Variants in ITGA11 observed in about 807,000 individuals in gnomAD.
ITGA11 encodes integrin subunit alpha 11.
A neutral mutation model predicts 141.9 loss-of-function variants in ITGA11; 97 were observed. The ratio of observed to expected loss-of-function variants is 0.68; its 90% confidence interval spans 0.58 to 0.81. ITGA11 has a LOEUF of 0.81. Among genes scored for constraint, ITGA11 ranks in the 30% least tolerant of loss-of-function variants. ITGA11 has a pLI of 0.00. For missense variants in ITGA11, 1,387 were observed against 1,559.2 expected (o/e 0.89, Z 1.86); for synonymous variants, 658 against 624.6 (o/e 1.05, Z -0.80).
At chr15:68,399,892 C>T (rs1896424747) in intron 2 of ITGA11, among the ~76,000 whole-genome samples, 1 of 152,044 alleles carries the variant, frequency 6.6e-6, no homozygotes, top group South Asian at 2.1e-4. Flanking sequence ...TACCCCAAAC[C>T]TCCACACAAT....
intron 2 of ITGA11, among the ~76,000 whole-genome samples, chr15:68,377,403 G>C (rs1895755639): frequency 6.6e-6 from 1 of 152,150 alleles, no homozygotes; most frequent in Non-Finnish European, 1.5e-5. Flanking sequence ...CTCCCGAGTA[G>C]CTGGGATTAC....
chr15:68,381,956 C>T (rs146283614), intron 2 of ITGA11, among the ~76,000 whole-genome samples: 190 of 152,310 alleles, frequency 1.2e-3, no homozygotes, highest in Non-Finnish European at 2.3e-3. Context: ...ACCCAGGCCT[C>T]GCCCCACCTC....
At chr15:68,369,652 G>A (rs1895527551) in intron 2 of ITGA11, among the ~76,000 whole-genome samples, 1 of 152,146 alleles carries the variant, frequency 6.6e-6, no homozygotes, top group Admixed American at 6.5e-5. Flanking sequence ...GAGTGGTAAT[G>A]GAAGTCATTC....
In ITGA11 at chr15:68,360,668, C is replaced by T. The variant is rs375583900; in HGVS notation, c.472+922G>A. Among the ~76,000 whole-genome samples the T allele has an allele frequency of 5.9e-5, 9 of 152,210 alleles. No homozygotes were observed. The East Asian group carries it at 7.7e-4, about 13-fold the overall frequency. ...TCACATCTAGGCCTGGAGGGACTAG[C>T]TCTAGGGGTGGTGACATTCCCCGGT... On this transcript the variant is annotated intron_variant, in intron 5 of 29. Coordinates refer to ENST00000315757, the MANE Select transcript of ITGA11 (RefSeq NM_001004439.2).
chr15:68,313,921 A>G, intron 22 of ITGA11, 53 bp from the exon 23 acceptor site: 1 of 1,438,690 alleles, frequency 7.0e-7, no homozygotes, highest in East Asian at 2.3e-5. Context: ...CAGCACAGGC[A>G]GCGGGAAGGG....
Position 68,320,629 on chromosome 15 carries a change from G to A in ITGA11, c.2409-237C>T, listed in dbSNP as rs561564118. Among the ~76,000 whole-genome samples, 12 of 152,230 alleles carry A rather than the reference G, an allele frequency of 7.9e-5. 1 individual carries two copies. The highest frequency in any genetic ancestry group is 3.4e-3 in the Middle Eastern group (1 of 294). On this transcript the variant is annotated intron_variant, in intron 19 of 29. Transcript: ENST00000315757. ...CCCCACCATAGAGATCATACCCTCCGCTGAACCCAGAGCTCTTATTTGACC... is the reference window on the plus strand; with the variant it reads ...CCCCACCATAGAGATCATACCCTCCACTGAACCCAGAGCTCTTATTTGACC...
chr15:68,315,575 G>T, intron 22 of ITGA11, 76 bp downstream of exon 22: 1 of 1,215,806 alleles, frequency 8.2e-7, no homozygotes, highest in Non-Finnish European at 1.2e-6. Context: ...GTGTCGGGAG[G>T]AGCAGTTGCT....
chr15:68,303,220 C>T lies in ITGA11; in HGVS notation c.3496-90G>A. ...CCCTCCACTACCTTTCCTTGGGATT[C>T]CTCCCTCAGGGCTTCCTTGAGTACC... On this transcript the variant is annotated intron_variant, in intron 29 of 29. Coordinates refer to ENST00000315757, the MANE Select transcript of ITGA11 (RefSeq NM_001004439.2). This position sits in a 1 kb window ranked among gnomAD's most constrained non-coding sequence, Gnocchi z 5.3. The T allele has an allele frequency of 8.7e-7, 1 of 1,147,870 alleles. No individual in the cohort carries two copies. Among genetic ancestry groups the T allele is most frequent in the Non-Finnish European group, 1.3e-6 (1 of 795,852 alleles). The allele number at this position is 1,147,870 out of a possible 1,614,324, so 71.1% of individuals were successfully genotyped here.
chr15:68,346,130 G>A (rs1894736223), intron 10 of ITGA11, among the ~76,000 whole-genome samples: 1 of 152,060 alleles, frequency 6.6e-6, no homozygotes, highest in Non-Finnish European at 1.5e-5. Flanking sequence ...GGAAGAACTA[G>A]GGTATATGGG....
Position 68,333,265 on chromosome 15 carries a change from G to A in ITGA11, c.1426-787C>T, listed in dbSNP as rs148230190. ...CAGGCACTTACCACCGCTCCTGGCT[G>A]TTTTAAAAAATTATTTGTAGAGATG... is the stretch of plus-strand genomic sequence containing the variant. On this transcript the variant is annotated intron_variant, in intron 12 of 29. Transcript: ENST00000315757. The surrounding 1 kb of genome is among the most constrained non-coding windows in gnomAD (Gnocchi z 4.2). Among the ~76,000 whole-genome samples, 168 of 152,052 alleles carry A rather than the reference G, an allele frequency of 1.1e-3. 1 individual carries two copies. Among genetic ancestry groups the A allele is most frequent in the Middle Eastern group, 3.4e-3 (1 of 294 alleles).
intron 1 of ITGA11, among the ~76,000 whole-genome samples, chr15:68,425,103 G>A (rs1281586035): frequency 6.6e-6 from 1 of 152,184 alleles, no homozygotes; most frequent in Admixed American, 6.5e-5. Context: ...TGGGCGCTCA[G>A]CACATGCTGG....
intron 18 of ITGA11, among the ~76,000 whole-genome samples, chr15:68,323,798 C>T (rs1893883117): frequency 6.6e-6 from 1 of 152,272 alleles, no homozygotes; most frequent in South Asian, 2.1e-4. Flanking sequence ...AAAGTCTGGC[C>T]AAAGGCTCCC....
At chr15:68,347,597 C>T (rs979359679) in intron 10 of ITGA11, among the ~76,000 whole-genome samples, 20 of 152,110 alleles carry the variant, frequency 1.3e-4, no homozygotes, top group Admixed American at 9.8e-4. Flanking sequence ...CGCACATGTC[C>T]CCCTCCCCTC....
chr15:68,303,983 G>C lies in ITGA11; in HGVS notation c.3382-98C>G, dbSNP rs939685414. On this transcript the variant is annotated intron_variant, in intron 28 of 29. Coordinates refer to ENST00000315757, the MANE Select transcript of ITGA11 (RefSeq NM_001004439.2). This position sits in a 1 kb window ranked among gnomAD's most constrained non-coding sequence, Gnocchi z 5.3. ...AGGGTGGAGACAGCTGGCACCTGGTGGGGGAGCTGCATCCTCTTCCTCAGG... is the reference window on the plus strand; with the variant it reads ...AGGGTGGAGACAGCTGGCACCTGGTCGGGGAGCTGCATCCTCTTCCTCAGG... 2.8e-6 allele frequency: 2 copies of C among 710,382 alleles called. No individual in the cohort carries two copies. The highest frequency in any genetic ancestry group is 2.2e-5 in the Admixed American group (1 of 45,350). The allele number at this position is 710,382 out of a possible 1,614,324, so 44.0% of individuals were successfully genotyped here.
chr15:68,354,107 C>A (rs1046857379), intron 7 of ITGA11, among the ~76,000 whole-genome samples: 1 of 152,182 alleles, frequency 6.6e-6, no homozygotes, highest in African/African-American at 2.4e-5. Context: ...TCTGCACCTG[C>A]TCCACTCCCG....
At chr15:68,312,741 T>C in intron 24 of ITGA11, 32 bp downstream of exon 24, 4 of 1,513,780 alleles carry the variant, frequency 2.6e-6, no homozygotes, top group South Asian at 1.1e-5. Context: ...ATCCCGTCCT[T>C]CCCCCTCTAC....
intron 2 of ITGA11, among the ~76,000 whole-genome samples, chr15:68,394,527 A>G (rs554647476): frequency 6.6e-6 from 1 of 152,066 alleles, no homozygotes; most frequent in Non-Finnish European, 1.5e-5. Context: ...TCAACAATTT[A>G]AGTAAGAAGC....
intron 11 of ITGA11, among the ~76,000 whole-genome samples, chr15:68,337,369 T>C (rs1388089497): frequency 6.6e-6 from 1 of 152,142 alleles, no homozygotes; most frequent in African/African-American, 2.4e-5. Context: ...CCGAAATTTA[T>C]ACTGCACCCC....
chr15:68,368,004 G>A (rs1895480012), intron 3 of ITGA11, among the ~76,000 whole-genome samples: 1 of 152,204 alleles, frequency 6.6e-6, no homozygotes, highest in African/African-American at 2.4e-5. Flanking sequence ...GCTGGGTTTT[G>A]AACTTCCCAC....
Sources: allele counts gnomAD v4.1 joint callset (sites outside exome capture counted in the v4.1 genomes callset), GRCh38; gene constraint gnomAD v4.1.1; non-coding constraint Gnocchi (gnomAD v3.1); transcripts MANE v1.5; gene names NCBI Gene and HGNC (gene_info 2026-07-23, HGNC 2026-07-21).